PEAK1: variants seen among roughly 807,000 people sequenced by gnomAD.
PEAK1 encodes pseudopodium enriched atypical kinase 1, also known as inactive tyrosine-protein kinase PEAK1.
A neutral mutation model predicts 124.7 loss-of-function variants in PEAK1; 54 were observed. That is an observed-to-expected ratio of 0.43 (90% confidence interval 0.35 to 0.54). The LOEUF is 0.54. Ranked by LOEUF, PEAK1 falls within the 20% of genes least tolerant of loss-of-function variation. The probability of loss-of-function intolerance (pLI) is 0.01; values close to 1 mark genes in which losing one functional copy is unlikely to be tolerated. For synonymous variants in PEAK1, 719 were observed against 760.0 expected, an observed-to-expected ratio of 0.95 and a Z score of 0.89; for missense variants, 2,046 against 2,134.5, an observed-to-expected ratio of 0.96 and a Z score of 0.82.
intron 6 of PEAK1, among the ~76,000 whole-genome samples, chr15:77,244,153 CTG>C (rs1198557158): frequency 6.6e-6 from 1 of 152,126 alleles, no homozygotes; most frequent in Non-Finnish European, 1.5e-5. Context: ...GTGATAGAGA[CTG>C]TATAGAATGG....
At chr15:77,280,985 C>A (rs895777909) in intron 5 of PEAK1, among the ~76,000 whole-genome samples, 1 of 152,016 alleles carries the variant, frequency 6.6e-6, no homozygotes, top group Non-Finnish European at 1.5e-5. Context: ...CATGGTGAAA[C>A]CCCATCTCTA....
At chr15:77,192,644 A>G (rs891868393) in intron 6 of PEAK1, among the ~76,000 whole-genome samples, 1 of 152,188 alleles carries the variant, frequency 6.6e-6, no homozygotes, top group Admixed American at 6.5e-5. Context: ...GCCATTCTTG[A>G]AGAGGTGCTG....
chr15:77,154,064 T>A (rs2054901416), intron 8 of PEAK1, among the ~76,000 whole-genome samples: 1 of 152,198 alleles, frequency 6.6e-6, no homozygotes, highest in Admixed American at 6.5e-5. Context: ...CTCGTTGATC[T>A]GTCTAATGTT....
At chr15:77,280,255 C>T (rs572561187) in intron 5 of PEAK1, among the ~76,000 whole-genome samples, 3 of 152,014 alleles carry the variant, frequency 2.0e-5, no homozygotes, top group Admixed American at 6.6e-5. Flanking sequence ...GTACAAGAAT[C>T]GCTTGAAAAC....
rs750755230 is a variant in PEAK1 at position 77,181,090 on chromosome 15, T to C, written c.837A>G (p.Thr279=). 2 of 1,614,070 alleles carry C rather than the reference T, an allele frequency of 1.2e-6. No homozygotes were observed. Among genetic ancestry groups the C allele is most frequent in the East Asian group, 2.2e-5 (1 of 44,894 alleles). ...CCACAAAGAATCGAACAGGAGACAA[T>C]GTGTTTGCTCTGAAGTTGGCAAAGC... The part of the protein sequence containing the change: ...QPRFANFRAN[T]LSPVRFFVDK... Residue 279 remains threonine, a synonymous_variant, in exon 7 of 10, where the codon ACA becomes ACG. Coordinates refer to ENST00000682557, the MANE Select transcript of PEAK1 (RefSeq NM_001385026.1).
chr15:77,205,563 G>T, intron 6 of PEAK1, among the ~76,000 whole-genome samples: 1 of 152,118 alleles, frequency 6.6e-6, no homozygotes, highest in Non-Finnish European at 1.5e-5. Context: ...CTGGCTCATG[G>T]CTCTCCTTAT....
intron 6 of PEAK1, among the ~76,000 whole-genome samples, chr15:77,247,733 G>A (rs1443092354): frequency 6.6e-6 from 1 of 151,860 alleles, no homozygotes; most frequent in Non-Finnish European, 1.5e-5. Flanking sequence ...TGATCTGCCT[G>A]TCTTAGCCTC....
chr15:77,117,651 A>G (rs901870651), intron 9 of PEAK1, among the ~76,000 whole-genome samples: 2 of 152,212 alleles, frequency 1.3e-5, no homozygotes, highest in African/African-American at 4.8e-5. Context: ...CTAACATTCA[A>G]TACCTCCAAG....
At position 77,304,330 on chromosome 15, in the gene PEAK1, T is replaced by C. The variant is rs114303557; in HGVS notation, c.-602-17826A>G. ...TGAACACAGAATCTCTCTCCATTTCTTTAGATCTTGTTTGATTAGTGCATT... is the reference window on the plus strand; with the variant it reads ...TGAACACAGAATCTCTCTCCATTTCCTTAGATCTTGTTTGATTAGTGCATT... On this transcript the variant is annotated intron_variant, in intron 2 of 9. Transcript: ENST00000682557. 4.6e-3 allele frequency among the ~76,000 whole-genome samples: 698 copies of C among 152,296 alleles called. 7 individuals carry two copies. Among genetic ancestry groups the C allele is most frequent in the African/African-American group, 0.016 (657 of 41,560 alleles).
Position 77,369,711 on chromosome 15 carries a change from T to C in PEAK1, c.-665-4486A>G, listed in dbSNP as rs1295069065. ...AAATGGATGAAACAGGTCTTAGTGG[T>C]GGCTCTGATCCAAAGATTTGAACTG... On this transcript the variant is annotated intron_variant, in intron 1 of 9. Transcript: ENST00000682557. Among the ~76,000 whole-genome samples, 7 of 152,320 alleles carry C rather than the reference T, an allele frequency of 4.6e-5. No homozygotes were observed. In the South Asian group the frequency reaches 1.4e-3, roughly 32 times the overall value.
At chr15:77,121,914 A>ATGGG (rs1387582223) in intron 9 of PEAK1, among the ~76,000 whole-genome samples, 1 of 152,218 alleles carries the variant, frequency 6.6e-6, no homozygotes, top group East Asian at 1.9e-4. Context: ...TATCACACAA[A>ATGGG]AGTACAACTG....
rs541630690 is a variant in PEAK1 at position 77,312,735 on chromosome 15, A to C, written c.-602-26231T>G. ...CAGTTCCATATTCCTGGCAGGAAGAAGGCTGAAGGCCTAAAAATATCTCCC... is the reference window on the plus strand; with the variant it reads ...CAGTTCCATATTCCTGGCAGGAAGACGGCTGAAGGCCTAAAAATATCTCCC... On this transcript the variant is annotated intron_variant, in intron 2 of 9. Coordinates refer to ENST00000682557, the MANE Select transcript of PEAK1 (RefSeq NM_001385026.1). Among the ~76,000 whole-genome samples, 5 of 152,348 alleles carry C rather than the reference A, an allele frequency of 3.3e-5. No individual in the cohort carries two copies. In the East Asian group the frequency reaches 5.8e-4, roughly 18 times the overall value.
chr15:77,126,546 T>C, intron 9 of PEAK1, among the ~76,000 whole-genome samples: 1 of 152,194 alleles, frequency 6.6e-6, no homozygotes, highest in East Asian at 1.9e-4. Flanking sequence ...ATCTATAAGA[T>C]GTTGAGCAGC....
chr15:77,388,077 C>G (rs1220777200), intron 1 of PEAK1, among the ~76,000 whole-genome samples: 1 of 152,074 alleles, frequency 6.6e-6, no homozygotes, highest in African/African-American at 2.4e-5. Flanking sequence ...CCTGTGGTCC[C>G]AGCTACTTGT....
At chr15:77,337,487 T>A in intron 2 of PEAK1, 2 of 984,490 alleles carry the variant, frequency 2.0e-6, no homozygotes, top group Non-Finnish European at 2.4e-6. Flanking sequence ...TAATCTGAAT[T>A]CATCATCCTG....
At chr15:77,410,856 G>T (rs932342362) in intron 1 of PEAK1, among the ~76,000 whole-genome samples, 36 of 152,246 alleles carry the variant, frequency 2.4e-4, no homozygotes, top group African/African-American at 8.4e-4. Flanking sequence ...CTACAAAGTA[G>T]ATACACCTGT....
chr15:77,386,128 C>T (rs1204017899), intron 1 of PEAK1, among the ~76,000 whole-genome samples: 1 of 152,120 alleles, frequency 6.6e-6, no homozygotes, highest in Admixed American at 6.6e-5. Context: ...GAACTAAAGG[C>T]CAGGAATATA....
intron 1 of PEAK1, among the ~76,000 whole-genome samples, chr15:77,380,630 C>T (rs1032546902): frequency 1.3e-5 from 2 of 152,148 alleles, no homozygotes; most frequent in Non-Finnish European, 2.9e-5. Flanking sequence ...AGGCATGCAA[C>T]ACTATGCCCA....
chr15:77,302,273 T>C (rs1165362305), intron 2 of PEAK1, among the ~76,000 whole-genome samples: 2 of 152,206 alleles, frequency 1.3e-5, no homozygotes, highest in East Asian at 3.9e-4. Flanking sequence ...ATTGTAAATA[T>C]GTACACTAAC....
Sources: gnomAD v4.1 joint callset for allele counts (sites outside exome capture counted in the v4.1 genomes callset) on GRCh38, gnomAD v4.1.1 for gene constraint, MANE v1.5 for transcripts, NCBI Gene and HGNC (gene_info 2026-07-23, HGNC 2026-07-21) for gene names.